VWA7: variants seen among roughly 807,000 people sequenced by gnomAD.
The protein encoded by VWA7 is von Willebrand factor A domain-containing protein 7.
In VWA7, 66 loss-of-function variants were observed where a neutral mutation model predicts 83.1. The observed-to-expected ratio is 0.79, with a 90% confidence interval of 0.65 to 0.98. VWA7 has a LOEUF of 0.98. Ranked by LOEUF, VWA7 falls within the 50% of genes least tolerant of loss-of-function variation. The probability of loss-of-function intolerance (pLI) is 0.00; values close to 1 mark genes in which losing one functional copy is unlikely to be tolerated. For synonymous variants in VWA7, 424 were observed against 488.5 expected (o/e 0.87, Z 1.74); for missense variants, 1,080 against 1,160.2 (o/e 0.93, Z 1.00).
Position 31,767,190 on chromosome 6 carries a change from G to A in VWA7, c.1850C>T (p.Pro617Leu). ...TGGCTGAGTCAGGGGGTAGAGGCCA[G>A]GGTGGGGTCCATCCTCCATGGGGAT... ...FGIPMEDGPH[P>L]GLYPLTQPVA... Residue 617 changes from proline to leucine, a missense_variant, in exon 13 of 17, where the codon CCT (proline) becomes CTT (leucine). Physicochemically the swap from Pro to Leu is moderately conservative, Grantham distance 98. Coordinates refer to ENST00000375688, the MANE Select transcript of VWA7 (RefSeq NM_025258.3). The A allele has an allele frequency of 1.3e-6, 2 of 1,586,740 alleles. No individual in the cohort carries two copies. The highest frequency in any genetic ancestry group is 1.7e-6 in the Non-Finnish European group (2 of 1,172,160).
rs139468471 is a variant in VWA7 at position 31,776,182 on chromosome 6, G to A, written c.295C>T (p.Arg99Trp). ...AAYFGPGSSR[R>W]FRAALGEVSR... is the part of the protein sequence containing the mutation. ...ACCTCACCTAAGGCTGCTCGGAACC[G>A]CCGAGAAGAACCAGGTCCAAAGTAG... is the stretch of plus-strand genomic sequence containing the variant. The change falls in exon 3 of 17, where the codon CGG (arginine) becomes TGG (tryptophan). Residue 99 changes from arginine (R) to tryptophan (W), a missense_variant. Transcript: ENST00000375688. The surrounding 1 kb of genome is among the most constrained non-coding windows in gnomAD (Gnocchi z 6.2). The A allele has an allele frequency of 5.9e-5, 95 of 1,614,060 alleles. No individual in the cohort carries two copies. The African/African-American group carries it at 1.0e-3, about 18-fold the overall frequency.
chr6:31,765,617 G>C lies in VWA7; in HGVS notation c.2653C>G (p.Leu885Val). 1 of 1,611,234 alleles carries C rather than the reference G, an allele frequency of 6.2e-7. No homozygotes were observed. The highest frequency in any genetic ancestry group is 8.5e-7 in the Non-Finnish European group (1 of 1,179,474). ...TGTCACCAGGAGGCCAGGCCTAGCA[G>C]AAGCAGCACCCCTCCAACTGTGCCC... ...WWGTVGGVLL[L>V]LGLASW The change falls in exon 17 of 17, where the codon CTG becomes GTG. Residue 885 changes from leucine to valine, a missense_variant. By Grantham distance (32) the Leu-to-Val change is conservative (BLOSUM62 1). Coordinates refer to ENST00000375688, the MANE Select transcript of VWA7 (RefSeq NM_025258.3).
rs773420295 is a variant in VWA7 at position 31,775,315 on chromosome 6, C to T, written c.610+18G>A. 6 of 1,603,334 alleles carry T rather than the reference C, an allele frequency of 3.7e-6. No individual in the cohort carries two copies. Among genetic ancestry groups the T allele is most frequent in the Middle Eastern group, 1.7e-4 (1 of 5,918 alleles). On this transcript the variant is annotated intron_variant, in intron 4 of 16. Transcript: ENST00000375688. This position sits in a 1 kb window ranked among gnomAD's most constrained non-coding sequence, Gnocchi z 5.9. ...GGCCCTGTGGACTCCTGCCTCACCA[C>T]CAGGGTCACAGCCATACCTTGTGCC...
chr6:31,766,439 C>T lies in VWA7; in HGVS notation c.2184+24G>A, dbSNP rs778884667. 11 of 1,575,830 alleles carry T rather than the reference C, an allele frequency of 7.0e-6. No homozygotes were observed. The South Asian group carries it at 1.3e-4, about 18-fold the overall frequency. The stretch of plus-strand genomic sequence containing the variant: ...CCGCTCTAACTCTCTCCAGCCCCAG[C>T]CGCACTTTCCCCTGGCGTCTCACCT... On this transcript the variant is annotated intron_variant, in intron 14 of 16. Coordinates refer to ENST00000375688, the MANE Select transcript of VWA7 (RefSeq NM_025258.3). The surrounding 1 kb of genome is among the most constrained non-coding windows in gnomAD (Gnocchi z 4.9).
chr6:31,765,789 G>T lies in VWA7; in HGVS notation c.2500-19C>A, dbSNP rs776738968. ...GCCGGTCCTGTGGGGAAAAGGAAGAGAATGACAGGGTGTGCTAGAGCTGTA... is the reference window on the plus strand; with the variant it reads ...GCCGGTCCTGTGGGGAAAAGGAAGATAATGACAGGGTGTGCTAGAGCTGTA... On this transcript the variant is annotated intron_variant, in intron 16 of 16. Coordinates refer to ENST00000375688, the MANE Select transcript of VWA7 (RefSeq NM_025258.3). 2 of 1,585,252 alleles carry T rather than the reference G, an allele frequency of 1.3e-6. No homozygotes were observed. The highest frequency in any genetic ancestry group is 2.3e-5 in the South Asian group (2 of 86,752).
chr6:31,775,453 G>T lies in VWA7; in HGVS notation c.514-24C>A. 1 of 1,601,680 alleles carries T rather than the reference G, an allele frequency of 6.2e-7. No individual in the cohort carries two copies. The highest frequency in any genetic ancestry group is 8.5e-7 in the Non-Finnish European group (1 of 1,172,402). ...TCCTGGTCCGGAGGACAGGAGAAGG[G>T]GAGTGAGGCACTAGTCTGGCCTTTC... On this transcript the variant is annotated intron_variant, in intron 3 of 16. Coordinates refer to ENST00000375688, the MANE Select transcript of VWA7 (RefSeq NM_025258.3). This position sits in a 1 kb window ranked among gnomAD's most constrained non-coding sequence, Gnocchi z 5.9.
chr6:31,766,266 G>T lies in VWA7; in HGVS notation c.2303C>A (p.Ser768Tyr), dbSNP rs1367626335. Reference protein sequence around the residue: ...DLRTFVNPSFSLTSNLSRAHL... With the variant: ...DLRTFVNPSFYLTSNLSRAHL... ...TCACCTGGAGAGGTTGGAGGTGAGG[G>T]AGAAGCTGGGGTTGACGAAAGTCCT... Residue 768 changes from serine to tyrosine, a missense_variant, in exon 15 of 17, where the codon TCC (serine) becomes TAC (tyrosine). By Grantham distance (144) the Ser-to-Tyr change is moderately radical. Transcript: ENST00000375688. This position sits in a 1 kb window ranked among gnomAD's most constrained non-coding sequence, Gnocchi z 4.9. 1 of 1,612,404 alleles carries T rather than the reference G, an allele frequency of 6.2e-7. No individual in the cohort carries two copies. Among genetic ancestry groups the T allele is most frequent in the Non-Finnish European group, 8.5e-7 (1 of 1,179,982 alleles).
At position 31,769,162 on chromosome 6, in the gene VWA7, A is replaced by C; in HGVS notation, c.1359T>G (p.Gly453=). The C allele has an allele frequency of 6.2e-7, 1 of 1,613,048 alleles. No homozygotes were observed. The highest frequency in any genetic ancestry group is 1.1e-5 in the South Asian group (1 of 91,082). ...GGGACAAGATCTCACGCCGAGCTCG[A>C]CCCTGAACCCTTGATGTATCTTCAG... ...LVTEDTSRVQ[G]RARREILSPL... Residue 453 remains glycine, a synonymous_variant, in exon 10 of 17, where the codon GGT becomes GGG. Coordinates refer to ENST00000375688, the MANE Select transcript of VWA7 (RefSeq NM_025258.3). This position sits in a 1 kb window ranked among gnomAD's most constrained non-coding sequence, Gnocchi z 4.5.
chr6:31,776,751 T>C lies in VWA7; in HGVS notation c.29A>G (p.His10Arg). 6.9e-7 allele frequency: 1 copy of C among 1,448,784 alleles called. No individual in the cohort carries two copies. The highest frequency in any genetic ancestry group is 9.1e-7 in the Non-Finnish European group (1 of 1,094,014). 89.7% of individuals were successfully genotyped at this position (1,448,784 alleles called of 1,614,324 possible). MLPTEVPQS[H>R]PGPSALLLLQ... ...CAGAAGCAACGCTGAGGGGCCCGGG[T>C]GGGATTGGGGGACCTCCGTGGGGAG... The change falls in exon 2 of 17, where the codon CAC becomes CGC. Residue 10 changes from histidine (H) to arginine (R), a missense_variant. By Grantham distance (29) the His-to-Arg change is conservative (BLOSUM62 0). Coordinates refer to ENST00000375688, the MANE Select transcript of VWA7 (RefSeq NM_025258.3). This position sits in a 1 kb window ranked among gnomAD's most constrained non-coding sequence, Gnocchi z 6.2.
At position 31,773,319 on chromosome 6, in the gene VWA7, A is replaced by G; in HGVS notation, c.840T>C (p.Ala280=). The G allele has an allele frequency of 6.2e-7, 1 of 1,608,756 alleles. No individual in the cohort carries two copies. The highest frequency in any genetic ancestry group is 8.5e-7 in the Non-Finnish European group (1 of 1,177,872). Residue 280 remains alanine (A), a synonymous_variant, in exon 6 of 17, where the codon GCT becomes GCC. Transcript: ENST00000375688. The surrounding 1 kb of genome is among the most constrained non-coding windows in gnomAD (Gnocchi z 5.3). ...TGGAGGCTAGAAGGGCCAGTTTTGC[A>G]GCCTGGAGGTGCAGCATGTGGTGAG... ...FSPHHMLHLQ[A]AKLALLASIQ... is the part of the protein sequence containing the mutation.
chr6:31,773,066 G>A lies in VWA7; in HGVS notation c.975C>T (p.Ser325=). ...SLSFVLDTTG[S]MGEEINAAKI... The stretch of plus-strand genomic sequence containing the variant: ...TGGCAGCGTTGATCTCCTCACCCAT[G>A]CTGCCCGTGGTGTCCAGGACAAAGC... Residue 325 remains serine, a synonymous_variant, in exon 7 of 17, where the codon AGC becomes AGT. Transcript: ENST00000375688. This position sits in a 1 kb window ranked among gnomAD's most constrained non-coding sequence, Gnocchi z 5.3. 6.2e-7 allele frequency: 1 copy of A among 1,612,422 alleles called. No homozygotes were observed. The highest frequency in any genetic ancestry group is 8.5e-7 in the Non-Finnish European group (1 of 1,179,800).
chr6:31,767,515 C>T lies in VWA7; in HGVS notation c.1637-1G>A, dbSNP rs1178289544. The T allele has an allele frequency of 1.2e-6, 2 of 1,607,516 alleles. No individual in the cohort carries two copies. The highest frequency in any genetic ancestry group is 2.7e-5 in the African/African-American group (2 of 74,822). ...CCTTCCTCCTGGCCCTGGGAGACCC[C>T]TGGGGTCAGGGAAGAGATTGTCACA... On this transcript the variant is annotated splice_acceptor_variant, in intron 11 of 16. Coordinates refer to ENST00000375688, the MANE Select transcript of VWA7 (RefSeq NM_025258.3). LOFTEE classifies it high-confidence loss of function.
At position 31,766,583 on chromosome 6, in the gene VWA7, C is replaced by T. The variant is rs150003092; in HGVS notation, c.2064G>A (p.Ser688=). 24 of 1,612,920 alleles carry T rather than the reference C, an allele frequency of 1.5e-5. No homozygotes were observed. In the African/African-American group the frequency reaches 2.5e-4, roughly 17 times the overall value. The part of the protein sequence containing the change: ...PERGLLAASL[S]PTLLSTPRPF... ...GTCTAGGGGTGGACAGCAGCGTGGG[C>T]GACAGCGAGGCTGCGAGGAGACCTC... The change falls in exon 14 of 17, where the codon TCG becomes TCA. Residue 688 remains serine, a synonymous_variant. Transcript: ENST00000375688. This position sits in a 1 kb window ranked among gnomAD's most constrained non-coding sequence, Gnocchi z 4.9.
Position 31,767,224 on chromosome 6 carries a change from G to A in VWA7, c.1816C>T (p.His606Tyr), listed in dbSNP as rs575700388. 4 of 1,607,056 alleles carry A rather than the reference G, an allele frequency of 2.5e-6. No homozygotes were observed. Among genetic ancestry groups the A allele is most frequent in the African/African-American group, 2.7e-5 (2 of 74,610 alleles). ...QAQTSLDFLF[H>Y]FGIPMEDGPH... ...CCATCCTCCATGGGGATCCCAAAGT[G>A]GAAGAGGAAGTCCAGGGAGGTCTGG... The change falls in exon 13 of 17, where the codon CAC becomes TAC. Residue 606 changes from histidine (H) to tyrosine (Y), a missense_variant. Transcript: ENST00000375688.
intron 13 of VWA7, 69 bp downstream of exon 13, chr6:31,767,062 CATTATATATATAATATATATATTATAT>C (rs1263764088): frequency 2.9e-6 from 1 of 349,094 alleles, no homozygotes; most frequent in Non-Finnish European, 5.1e-6. Context: ...TACATATATA[CATTATATATATAATATATATATTATAT>C]ATTATATATT....
chr6:31,769,605 G>T lies in VWA7; in HGVS notation c.1317+70C>A. ...CATAGTGTGGTGCAACCCTCGTTATGAGATTGTCATCACAGGGTCTCTCAC... is the reference window on the plus strand; with the variant it reads ...CATAGTGTGGTGCAACCCTCGTTATTAGATTGTCATCACAGGGTCTCTCAC... On this transcript the variant is annotated intron_variant, in intron 9 of 16. Transcript: ENST00000375688. This position sits in a 1 kb window ranked among gnomAD's most constrained non-coding sequence, Gnocchi z 4.5. 1 of 1,408,816 alleles carries T rather than the reference G, an allele frequency of 7.1e-7. No homozygotes were observed. The highest frequency in any genetic ancestry group is 2.3e-5 in the East Asian group (1 of 43,812). The allele number at this position is 1,408,816 out of a possible 1,614,324, so 87.3% of individuals were successfully genotyped here.
chr6:31,776,981 C>G lies in VWA7; in HGVS notation c.-16+128G>C. 1 of 430,178 alleles carries G rather than the reference C, an allele frequency of 2.3e-6. No individual in the cohort carries two copies. Among genetic ancestry groups the G allele is most frequent in the East Asian group, 3.5e-5 (1 of 28,896 alleles). 26.6% of individuals were successfully genotyped at this position (430,178 alleles called of 1,614,324 possible). On this transcript the variant is annotated intron_variant, in intron 1 of 16. Transcript: ENST00000375688. The surrounding 1 kb of genome is among the most constrained non-coding windows in gnomAD (Gnocchi z 6.2). The stretch of plus-strand genomic sequence containing the variant: ...ATCGGACCATTAGGGACATACACAC[C>G]TGCCAGGAGAGGGGTCCAAGGTTCC...
chr6:31,770,133 TTAAGA>T lies in VWA7; in HGVS notation c.1088-25_1088-21del, dbSNP rs1484415156. 6 of 1,601,862 alleles carry T rather than the reference TTAAGA, an allele frequency of 3.7e-6. No individual in the cohort carries two copies. The highest frequency in any genetic ancestry group is 1.7e-5 in the Admixed American group (1 of 59,642). Reference sequence around the variant, plus strand: ...CGAACCCTGGGAAGGGGAAAGGAGGTTAAGATAAGTGAGGAAAGAGCTCCCCTCAT... The same window carrying T: ...CGAACCCTGGGAAGGGGAAAGGAGGTTAAGTGAGGAAAGAGCTCCCCTCAT... On this transcript the variant is annotated intron_variant, in intron 7 of 16. Coordinates refer to ENST00000375688, the MANE Select transcript of VWA7 (RefSeq NM_025258.3).
Position 31,773,061 on chromosome 6 carries a change from C to T in VWA7, c.980G>A (p.Gly327Asp), listed in dbSNP as rs1313443456. Residue 327 changes from glycine (G) to aspartate (D), a missense_variant, in exon 7 of 17, where the codon GGT becomes GAT. Coordinates refer to ENST00000375688, the MANE Select transcript of VWA7 (RefSeq NM_025258.3). The surrounding 1 kb of genome is among the most constrained non-coding windows in gnomAD (Gnocchi z 5.3). ...GATTTTGGCAGCGTTGATCTCCTCA[C>T]CCATGCTGCCCGTGGTGTCCAGGAC... ...SFVLDTTGSM[G>D]EEINAAKIQA... The T allele has an allele frequency of 1.9e-6, 3 of 1,612,444 alleles. No individual in the cohort carries two copies. The highest frequency in any genetic ancestry group is 2.5e-6 in the Non-Finnish European group (3 of 1,179,816).
Sources: gnomAD v4.1 joint callset for allele counts on GRCh38, gnomAD v4.1.1 for gene constraint, Gnocchi (gnomAD v3.1) non-coding constraint, MANE v1.5 for transcripts, NCBI Gene and HGNC (gene_info 2026-07-23, HGNC 2026-07-21) for gene names.